Variants in KIAA1328 observed in about 807,000 individuals in gnomAD.
KIAA1328 encodes the protein protein hinderin.
A neutral mutation model predicts 68.1 loss-of-function variants in KIAA1328; 52 were observed. The observed-to-expected ratio is 0.76, with a 90% CI of 0.61 to 0.96. KIAA1328 has a LOEUF of 0.96. Ranked by LOEUF, KIAA1328 falls within the 40% of genes least tolerant of loss-of-function variation. The pLI, the probability that KIAA1328 is intolerant of heterozygous loss-of-function variation, is 0.00. For synonymous variants in KIAA1328, 232 were observed against 239.4 expected (o/e 0.97, Z 0.28); for missense variants, 641 against 677.6 (o/e 0.95, Z 0.60).
intron 7 of KIAA1328, among the ~76,000 whole-genome samples, chr18:37,092,164 A>T (rs1013525894): frequency 6.6e-6 from 1 of 152,006 alleles, no homozygotes; most frequent in African/African-American, 2.4e-5. Flanking sequence ...TGCTGCTGGC[A>T]CACGTGCATT....
At chr18:37,004,997 A>G (rs1404006810) in intron 6 of KIAA1328, among the ~76,000 whole-genome samples, 1 of 152,142 alleles carries the variant, frequency 6.6e-6, no homozygotes, top group Non-Finnish European at 1.5e-5. Context: ...GTAACTCAGG[A>G]ATGAAAAACC....
At chr18:37,056,131 T>G (rs903703496) in intron 6 of KIAA1328, among the ~76,000 whole-genome samples, 3 of 152,186 alleles carry the variant, frequency 2.0e-5, no homozygotes, top group Non-Finnish European at 4.4e-5. Context: ...ACTGCAATTG[T>G]TTTTTGACAT....
At chr18:37,112,409 G>A (rs1434542136) in intron 7 of KIAA1328, among the ~76,000 whole-genome samples, 1 of 152,170 alleles carries the variant, frequency 6.6e-6, no homozygotes, top group Non-Finnish European at 1.5e-5. Context: ...CAGGCAAACA[G>A]CATCTGGAGT....
At chr18:37,217,574 G>A (rs930722693) in intron 9 of KIAA1328, among the ~76,000 whole-genome samples, 37 of 152,290 alleles carry the variant, frequency 2.4e-4, no homozygotes, top group African/African-American at 7.7e-4. Flanking sequence ...TGGGTAACCT[G>A]ACCTTTCTCT....
At chr18:36,997,585 A>G (rs2151437688) in intron 6 of KIAA1328, among the ~76,000 whole-genome samples, 1 of 152,268 alleles carries the variant, frequency 6.6e-6, no homozygotes, top group East Asian at 1.9e-4. Context: ...ACCCTTTCTG[A>G]GACCAGAGTG....
intron 3 of KIAA1328, among the ~76,000 whole-genome samples, chr18:36,836,085 A>G (rs547702689): frequency 6.6e-6 from 1 of 152,304 alleles, no homozygotes; most frequent in African/African-American, 2.4e-5. Context: ...CCCACAAGCT[A>G]AAAACATTTA....
chr18:37,038,910 CTT>C (rs1409041041), intron 6 of KIAA1328, among the ~76,000 whole-genome samples: 1 of 152,046 alleles, frequency 6.6e-6, no homozygotes, highest in South Asian at 2.1e-4. Flanking sequence ...TTTTGAGAGT[CTT>C]TATCATAAGT....
At chr18:37,092,931 A>G (rs323320) in intron 7 of KIAA1328, among the ~76,000 whole-genome samples, 2 of 151,962 alleles carry the variant, frequency 1.3e-5, no homozygotes, top group South Asian at 2.1e-4. Context: ...GAATAAATCA[A>G]TGGGGAGACT....
At chr18:37,218,323 T>C (rs1374429591) in intron 9 of KIAA1328, among the ~76,000 whole-genome samples, 1 of 152,178 alleles carries the variant, frequency 6.6e-6, no homozygotes, top group African/African-American at 2.4e-5. Flanking sequence ...ACCAGTTAAT[T>C]GGGCTCCTTT....
chr18:36,882,381 C>T lies in KIAA1328; in HGVS notation c.333-3176C>T, dbSNP rs145470490. Among the ~76,000 whole-genome samples, 306 of 152,164 alleles carry T rather than the reference C, an allele frequency of 2.0e-3. 3 individuals carry two copies. The highest frequency in any genetic ancestry group is 6.7e-3 in the African/African-American group (277 of 41,534). ...ATACTTCATTGGAAATACTGTTGAACGTAAGAAGACAGATTTCATAATGAA... is the reference window on the plus strand; with the variant it reads ...ATACTTCATTGGAAATACTGTTGAATGTAAGAAGACAGATTTCATAATGAA... On this transcript the variant is annotated intron_variant, in intron 4 of 9. Coordinates refer to ENST00000280020, the MANE Select transcript of KIAA1328 (RefSeq NM_020776.3).
At chr18:36,987,967 G>A (rs540612522) in intron 6 of KIAA1328, among the ~76,000 whole-genome samples, 1 of 152,098 alleles carries the variant, frequency 6.6e-6, no homozygotes, top group South Asian at 2.1e-4. Flanking sequence ...ATTTTACAGT[G>A]CATGATATAT....
At chr18:37,148,911 T>C (rs1045188444) in intron 7 of KIAA1328, among the ~76,000 whole-genome samples, 1 of 152,196 alleles carries the variant, frequency 6.6e-6, no homozygotes, top group Non-Finnish European at 1.5e-5. Context: ...TACCCCACTA[T>C]GTAGGTTGCC....
intron 5 of KIAA1328, among the ~76,000 whole-genome samples, chr18:36,888,160 T>C (rs894181083): frequency 4.6e-5 from 7 of 152,296 alleles, no homozygotes; most frequent in Admixed American, 3.9e-4. Flanking sequence ...GTTTTCCTCA[T>C]GATTTAACTC....
At chr18:36,962,413 G>C (rs1463640168) in intron 6 of KIAA1328, among the ~76,000 whole-genome samples, 1 of 152,146 alleles carries the variant, frequency 6.6e-6, no homozygotes, top group African/African-American at 2.4e-5. Context: ...ACAGATCAAT[G>C]GGACAGAAAG....
At position 37,185,565 on chromosome 18, in the gene KIAA1328, A is replaced by G. The variant is rs568557974; in HGVS notation, c.1523+12484A>G. Among the ~76,000 whole-genome samples the G allele has an allele frequency of 4.6e-5, 7 of 152,260 alleles. No individual in the cohort carries two copies. In the South Asian group the frequency reaches 1.4e-3, roughly 32 times the overall value. Reference sequence around the variant, plus strand: ...TAGTATCCAAGAATGCCACTGTGTAAATCAAAGACTATCAGCAAGACTACT... The same window carrying G: ...TAGTATCCAAGAATGCCACTGTGTAGATCAAAGACTATCAGCAAGACTACT... On this transcript the variant is annotated intron_variant, in intron 9 of 9. Coordinates refer to ENST00000280020, the MANE Select transcript of KIAA1328 (RefSeq NM_020776.3).
chr18:37,099,013 G>C (rs1205324598), intron 7 of KIAA1328, among the ~76,000 whole-genome samples: 1 of 151,268 alleles, frequency 6.6e-6, no homozygotes, highest in Admixed American at 6.6e-5. Flanking sequence ...TCTTGATCTT[G>C]TCAAAAAAAC....
intron 7 of KIAA1328, among the ~76,000 whole-genome samples, chr18:37,143,287 G>T (rs2058814358): frequency 6.6e-6 from 1 of 152,028 alleles, no homozygotes; most frequent in African/African-American, 2.4e-5. Flanking sequence ...ACTCAGCAAT[G>T]CCATATAGTT....
chr18:37,137,543 T>G (rs2058672268), intron 7 of KIAA1328, among the ~76,000 whole-genome samples: 1 of 152,174 alleles, frequency 6.6e-6, no homozygotes, highest in African/African-American at 2.4e-5. Flanking sequence ...TTCTCAAATC[T>G]TTTTACTTTT....
rs577432131 is a variant in KIAA1328, at chr18:36,829,227, G to A, written c.58+31G>A. The stretch of plus-strand genomic sequence containing the variant: ...CTTTGCCCGCCTGACAGGGGGCGCC[G>A]GCGCCCTCCACGGGACGGCGAGGGG... On this transcript the variant is annotated intron_variant, in intron 1 of 9. Transcript: ENST00000280020. 1.2e-4 allele frequency: 176 copies of A among 1,495,440 alleles called. No homozygotes were observed. The African/African-American group carries it at 2.4e-3, about 20-fold the overall frequency. 92.6% of individuals were successfully genotyped at this position (1,495,440 alleles called of 1,614,324 possible). A position where few individuals can be genotyped will look rare whatever the true frequency, so the allele number is the denominator to read the frequency against.
Sources: allele counts gnomAD v4.1 joint callset (sites outside exome capture counted in the v4.1 genomes callset), GRCh38; gene constraint gnomAD v4.1.1; transcripts MANE v1.5; gene names NCBI Gene and HGNC (gene_info 2026-07-23, HGNC 2026-07-21).